RNF38: variants seen among roughly 807,000 people sequenced by gnomAD.
The protein encoded by RNF38 is ring finger protein 38, also known as E3 ubiquitin-protein ligase RNF38.
RNF38 carries 15 observed loss-of-function variants against 67.2 expected under a neutral mutation model. The ratio of observed to expected loss-of-function variants is 0.22; its 90% CI spans 0.15 to 0.34. RNF38 has a LOEUF of 0.34. RNF38 is among the 10% of genes least tolerant of loss of function. RNF38 has a pLI of 1.00. For synonymous variants in RNF38, 220 were observed against 218.8 expected, an observed-to-expected ratio of 1.01 and a Z score of -0.05; for missense variants, 524 against 639.9, an observed-to-expected ratio of 0.82 and a Z score of 1.95.
chr9:36,382,337 A>C (rs975428859), intron 2 of RNF38, among the ~76,000 whole-genome samples: 7 of 152,222 alleles, frequency 4.6e-5, no homozygotes, highest in African/African-American at 7.2e-5. Context: ...AAGGAAAGGC[A>C]GGTTTTATGC....
At chr9:36,344,636 T>C (rs779008472) in intron 10 of RNF38, among the ~76,000 whole-genome samples, 196 bp downstream of exon 10, 5 of 152,224 alleles carry the variant, frequency 3.3e-5, no homozygotes, top group African/African-American at 9.6e-5. Flanking sequence ...TAGCTCTACA[T>C]TGACTTACTG....
chr9:36,353,367 T>C (rs886911944), intron 6 of RNF38, 36 bp from the exon 7 acceptor site: 17 of 1,363,138 alleles, frequency 1.2e-5, no homozygotes, highest in South Asian at 3.0e-5. Flanking sequence ...TATATGTATA[T>C]ATATATATAC....
chr9:36,439,539 T>C (rs1839145733), intron 1 of RNF38, among the ~76,000 whole-genome samples: 1 of 152,122 alleles, frequency 6.6e-6, no homozygotes, highest in Non-Finnish European at 1.5e-5. Flanking sequence ...GCATGGTAGC[T>C]CAAGTCTGTA....
At position 36,381,435 on chromosome 9, in the gene RNF38, C is replaced by A. The variant is rs567128453; in HGVS notation, c.163-5308G>T. Reference sequence around the variant, plus strand: ...GCTTCTGGAGTTTAGGCAAAACTGACCAGCATTAATGTTAAAATAGAAATT... The same window carrying A: ...GCTTCTGGAGTTTAGGCAAAACTGAACAGCATTAATGTTAAAATAGAAATT... On this transcript the variant is annotated intron_variant, in intron 2 of 11. Transcript: ENST00000259605. Among the ~76,000 whole-genome samples, 8 of 152,174 alleles carry A rather than the reference C, an allele frequency of 5.3e-5. No homozygotes were observed. In the South Asian group the frequency reaches 1.7e-3, roughly 32 times the overall value.
chr9:36,367,416 C>T lies in RNF38; in HGVS notation c.570+2303G>A, dbSNP rs536534717. The stretch of plus-strand genomic sequence containing the variant: ...GAAATGATGGCTAGATTTTATATTT[C>T]TTGCGCCTATTAATATTTTTCCTTT... On this transcript the variant is annotated intron_variant, in intron 4 of 11. Transcript: ENST00000259605. 2.0e-5 allele frequency among the ~76,000 whole-genome samples: 3 copies of T among 152,146 alleles called. No homozygotes were observed. In the East Asian group the frequency reaches 5.8e-4, roughly 29 times the overall value.
At chr9:36,404,318 C>A (rs78152236), upstream of RNF38, among the ~76,000 whole-genome samples, 5,619 of 152,320 alleles carry the variant, frequency 0.037, 122 homozygotes, top group South Asian at 0.058. Flanking sequence ...TCCACACCAT[C>A]GTCATTACTG....
intron 1 of RNF38, among the ~76,000 whole-genome samples, chr9:36,475,904 G>C (rs1313009309): frequency 6.7e-6 from 1 of 150,372 alleles, no homozygotes. Flanking sequence ...AGCTACTCTG[G>C]AGGCTGAAGC....
At chr9:36,427,978 G>A (rs1838820609) in intron 1 of RNF38, among the ~76,000 whole-genome samples, 1 of 151,266 alleles carries the variant, frequency 6.6e-6, no homozygotes, top group Non-Finnish European at 1.5e-5. Context: ...CCAAAGTACT[G>A]AGATTACAGG....
At chr9:36,417,119 G>T (rs1308777803) in intron 2 of RNF38, among the ~76,000 whole-genome samples, 2 of 152,084 alleles carry the variant, frequency 1.3e-5, no homozygotes, top group Non-Finnish European at 1.5e-5. Context: ...TCCAGGTAAG[G>T]TTAAATCCTT....
chr9:36,474,842 T>G (rs918450390), intron 1 of RNF38, among the ~76,000 whole-genome samples: 1 of 147,078 alleles, frequency 6.8e-6, no homozygotes, highest in Non-Finnish European at 1.5e-5. Context: ...GGAACAGAGG[T>G]AGAAAAATCA....
chr9:36,338,903 A>T lies in RNF38; in HGVS notation c.*849T>A, dbSNP rs1229986285. On this transcript the variant is annotated 3_prime_UTR_variant, in exon 12 of 12. Coordinates refer to ENST00000259605, the MANE Select transcript of RNF38 (RefSeq NM_022781.5). ...TTGCACCTTCTTTTTGGAAACAGCAAGTTGGAGATTTAAAAATTTCCACAA... is the reference window on the plus strand; with the variant it reads ...TTGCACCTTCTTTTTGGAAACAGCATGTTGGAGATTTAAAAATTTCCACAA... 6.6e-6 allele frequency: 1 copy of T among 152,648 alleles called. No individual in the cohort carries two copies. Among genetic ancestry groups the T allele is most frequent in the African/African-American group, 2.4e-5 (1 of 41,446 alleles). The allele number at this position is 152,648 out of a possible 1,614,324, so 9.5% of individuals were successfully genotyped here.
chr9:36,481,838 G>T (rs941166482), intron 1 of RNF38, among the ~76,000 whole-genome samples: 2 of 152,056 alleles, frequency 1.3e-5, no homozygotes, highest in Non-Finnish European at 2.9e-5. Context: ...AGCAGGAAGC[G>T]TAAACAACCA....
chr9:36,373,632 G>A (rs1443562285), intron 3 of RNF38, among the ~76,000 whole-genome samples: 1 of 134,860 alleles, frequency 7.4e-6, no homozygotes, highest in East Asian at 2.1e-4. Flanking sequence ...GTCTCACCCT[G>A]TCCCCCAGGC....
chr9:36,343,624 T>C (rs1833007912), intron 10 of RNF38, among the ~76,000 whole-genome samples: 1 of 152,086 alleles, frequency 6.6e-6, no homozygotes, highest in South Asian at 2.1e-4. Flanking sequence ...TCAAAGCCAT[T>C]ATTTAGCTTT....
chr9:36,406,889 C>T (rs1325494858), intron 2 of RNF38, among the ~76,000 whole-genome samples: 2 of 152,170 alleles, frequency 1.3e-5, no homozygotes, highest in African/African-American at 2.4e-5. Context: ...GGGCCGGGCG[C>T]GGTGGCTCAC....
intron 1 of RNF38, among the ~76,000 whole-genome samples, chr9:36,484,883 T>TTGGCCGGGCGCGG (rs1381427437): frequency 5.6e-4 from 86 of 152,266 alleles, no homozygotes; most frequent in African/African-American, 1.9e-3. Context: ...AATGTATGTA[T>TTGGCCGGGCGCGG]TGGCCGGGCG....
At chr9:36,429,770 G>A (rs977737613) in intron 1 of RNF38, among the ~76,000 whole-genome samples, 8 of 151,918 alleles carry the variant, frequency 5.3e-5, no homozygotes, top group African/African-American at 1.7e-4. Context: ...CTCCAGCCTG[G>A]GCAACAGAGC....
At chr9:36,454,535 GA>G (rs1166060568) in intron 1 of RNF38, among the ~76,000 whole-genome samples, 1 of 143,424 alleles carries the variant, frequency 7.0e-6, no homozygotes, top group Non-Finnish European at 1.5e-5. Context: ...GAAAACCTGA[GA>G]AAAAAATTAT....
In RNF38 at chr9:36,376,204, G is replaced by C. The variant is rs922862112; in HGVS notation, c.163-77C>G. 1.8e-5 allele frequency: 19 copies of C among 1,079,028 alleles called. No homozygotes were observed. In the African/African-American group the frequency reaches 3.0e-4, roughly 17 times the overall value. 66.8% of individuals were successfully genotyped at this position (1,079,028 alleles called of 1,614,324 possible). ...CATTACTGCATATGCACAGGTGTTA[G>C]GATGTACTTAACCTAAAATCTAAAA... On this transcript the variant is annotated intron_variant, in intron 2 of 11. Coordinates refer to ENST00000259605, the MANE Select transcript of RNF38 (RefSeq NM_022781.5).
Sources: allele counts gnomAD v4.1 joint callset (sites outside exome capture counted in the v4.1 genomes callset), GRCh38; gene constraint gnomAD v4.1.1; transcripts MANE v1.5; gene names NCBI Gene and HGNC (gene_info 2026-07-23, HGNC 2026-07-21).